Variants in CEP112 observed in about 807,000 individuals in gnomAD.
CEP112 encodes centrosomal protein of 112 kDa.
A neutral mutation model predicts 153.0 loss-of-function variants in CEP112; 127 were observed. The observed-to-expected ratio is 0.83, with a 90% CI of 0.72 to 0.96. CEP112 has a LOEUF of 0.96. Among genes scored for constraint, CEP112 ranks in the 40% least tolerant of loss-of-function variants. CEP112 has a pLI of 0.00. For synonymous variants in CEP112, 358 were observed against 374.4 expected (o/e 0.96, Z 0.51); for missense variants, 1,089 against 1,101.2 (o/e 0.99, Z 0.16).
At chr17:65,883,729 A>G (rs796613684) in intron 20 of CEP112, among the ~76,000 whole-genome samples, 10 of 152,248 alleles carry the variant, frequency 6.6e-5, no homozygotes, top group African/African-American at 1.9e-4. Flanking sequence ...GAGTTTTCTA[A>G]CCCAATGTAC....
At chr17:66,046,795 C>T (rs1374028057) in intron 12 of CEP112, among the ~76,000 whole-genome samples, 2 of 87,010 alleles carry the variant, frequency 2.3e-5, no homozygotes, top group East Asian at 3.6e-4. Flanking sequence ...CAGAAATACA[C>T]AATGAAAATG....
At chr17:65,717,925 A>C (rs1274155285) in intron 23 of CEP112, among the ~76,000 whole-genome samples, 1 of 152,182 alleles carries the variant, frequency 6.6e-6, no homozygotes, top group Admixed American at 6.5e-5. Context: ...ACTCATTAAA[A>C]ACCAAATGGA....
At chr17:65,970,592 A>G (rs970415360) in intron 17 of CEP112, among the ~76,000 whole-genome samples, 1 of 152,098 alleles carries the variant, frequency 6.6e-6, no homozygotes, top group African/African-American at 2.4e-5. Context: ...TGCATTTTAT[A>G]TATTACCTGT....
chr17:66,132,595 A>T (rs2070237835), intron 5 of CEP112, 75 bp downstream of exon 5: 1 of 1,031,112 alleles, frequency 9.7e-7, no homozygotes, highest in Admixed American at 1.8e-5. Flanking sequence ...GTACTTCAAC[A>T]AATGAAATTA....
At chr17:65,732,869 C>T (rs2050588136) in intron 23 of CEP112, among the ~76,000 whole-genome samples, 1 of 152,230 alleles carries the variant, frequency 6.6e-6, no homozygotes, top group African/African-American at 2.4e-5. Flanking sequence ...TGATCTTCTA[C>T]TAGACTACTA....
chr17:66,033,123 T>C lies in CEP112; in HGVS notation c.1219-3100A>G, dbSNP rs557066404. Among the ~76,000 whole-genome samples, 7 of 152,218 alleles carry C rather than the reference T, an allele frequency of 4.6e-5. No individual in the cohort carries two copies. The South Asian group carries it at 1.2e-3, about 27-fold the overall frequency. On this transcript the variant is annotated intron_variant, in intron 12 of 26. Transcript: ENST00000535342. ...GATTGATTAAGGGAAAGAAATAACA[T>C]TATGAGCAAGTAAAAACTGTAAGAG... is the stretch of plus-strand genomic sequence containing the variant.
intron 16 of CEP112, among the ~76,000 whole-genome samples, chr17:66,010,535 G>A (rs1414811276): frequency 1.3e-5 from 2 of 152,078 alleles, no homozygotes; most frequent in African/African-American, 2.4e-5. Context: ...TTGCCTTGCT[G>A]AGGTTTTCAA....
At chr17:66,036,275 T>C (rs1253146047) in intron 12 of CEP112, among the ~76,000 whole-genome samples, 1 of 152,158 alleles carries the variant, frequency 6.6e-6, no homozygotes, top group Non-Finnish European at 1.5e-5. Flanking sequence ...CAAAAAAGTT[T>C]TAAAGATATG....
At chr17:65,861,052 C>T (rs117614870) in intron 20 of CEP112, among the ~76,000 whole-genome samples, 1,638 of 152,234 alleles carry the variant, frequency 0.011, 21 homozygotes, top group Middle Eastern at 0.034. Context: ...GAAACAAGCA[C>T]ATCTATAGAG....
At chr17:65,702,158 G>T (rs1489722106) in intron 23 of CEP112, among the ~76,000 whole-genome samples, 3 of 152,126 alleles carry the variant, frequency 2.0e-5, no homozygotes, top group Non-Finnish European at 4.4e-5. Context: ...TTACAGGCAT[G>T]AGCCACTGCG....
In CEP112 at chr17:65,667,060, A is replaced by G. The variant is rs548545961; in HGVS notation, c.2697+22069T>C. 5.7e-4 allele frequency among the ~76,000 whole-genome samples: 87 copies of G among 152,330 alleles called. 1 individual carries two copies. Among genetic ancestry groups the G allele is most frequent in the Non-Finnish European group, 1.0e-3 (69 of 68,040 alleles). On this transcript the variant is annotated intron_variant, in intron 24 of 26. Transcript: ENST00000535342. ...GTACTACCCATCCCTGGAAGTATGC[A>G]GGGAGGGTGGAGGAAATGAGCACAT...
chr17:65,715,680 C>A (rs948555301), intron 23 of CEP112, among the ~76,000 whole-genome samples: 2 of 151,966 alleles, frequency 1.3e-5, no homozygotes, highest in African/African-American at 2.4e-5. Flanking sequence ...CTTGATCTCC[C>A]GACCTTGTGA....
chr17:65,637,224 T>C (rs1224686275), intron 25 of CEP112, 36 bp from the exon 26 acceptor site: 3 of 1,411,746 alleles, frequency 2.1e-6, no homozygotes, highest in Non-Finnish European at 3.0e-6. Flanking sequence ...GAGGTGGACG[T>C]GGCTTACATG....
intron 6 of CEP112, among the ~76,000 whole-genome samples, chr17:66,099,874 GT>G (rs2068496479): frequency 6.6e-6 from 1 of 152,044 alleles, no homozygotes; most frequent in Non-Finnish European, 1.5e-5. Flanking sequence ...ATACACCAGG[GT>G]TTTTGTGCAA....
At chr17:65,778,199 A>C (rs988268642) in intron 21 of CEP112, among the ~76,000 whole-genome samples, 6 of 152,200 alleles carry the variant, frequency 3.9e-5, no homozygotes, top group African/African-American at 1.4e-4. Context: ...CAAAGACAGG[A>C]ATCTTTTGTC....
At chr17:65,706,837 C>T (rs1009923509) in intron 23 of CEP112, among the ~76,000 whole-genome samples, 3 of 152,222 alleles carry the variant, frequency 2.0e-5, no homozygotes, top group African/African-American at 7.2e-5. Flanking sequence ...TAGATCTCTT[C>T]GTTCCAATTC....
At chr17:65,905,165 C>A (rs2060021774) in intron 19 of CEP112, among the ~76,000 whole-genome samples, 1 of 152,012 alleles carries the variant, frequency 6.6e-6, no homozygotes, top group Non-Finnish European at 1.5e-5. Flanking sequence ...AGTGAACAGA[C>A]AACATACAGA....
At chr17:65,891,728 G>A (rs1208352570) in intron 20 of CEP112, among the ~76,000 whole-genome samples, 3 of 152,178 alleles carry the variant, frequency 2.0e-5, no homozygotes, top group Non-Finnish European at 4.4e-5. Context: ...AAAAAGCCCT[G>A]TGTCTGCTAC....
chr17:66,086,933 A>G (rs2067961566), intron 8 of CEP112, among the ~76,000 whole-genome samples: 1 of 152,182 alleles, frequency 6.6e-6, no homozygotes, highest in African/African-American at 2.4e-5. Context: ...GTTTTTACAC[A>G]GGGGCAAATC....
Sources: gnomAD v4.1 joint callset for allele counts (sites outside exome capture counted in the v4.1 genomes callset) on GRCh38, gnomAD v4.1.1 for gene constraint, MANE v1.5 for transcripts, NCBI Gene and HGNC (gene_info 2026-07-23, HGNC 2026-07-21) for gene names.